Variants in FAM200A observed in about 807,000 individuals in gnomAD.
The protein encoded by FAM200A is protein FAM200A.
In FAM200A, 26 loss-of-function variants were observed where a neutral mutation model predicts 44.2. That is an observed-to-expected ratio of 0.59 (90% confidence interval 0.43 to 0.82). The LOEUF (loss-of-function observed/expected upper bound fraction) is 0.82, where lower values mean the gene tolerates loss of function less well. Ranked by LOEUF, FAM200A falls within the 40% of genes least tolerant of loss-of-function variation. FAM200A has a pLI of 0.00. For synonymous variants in FAM200A, 206 were observed against 244.4 expected (o/e 0.84, Z 1.47); for missense variants, 606 against 669.5 (o/e 0.91, Z 1.05).
chr7:99,557,504 G>A (rs1802729097), intron 1 of FAM200A, among the ~76,000 whole-genome samples: 1 of 152,210 alleles, frequency 6.6e-6, no homozygotes, highest in Non-Finnish European at 1.5e-5. Flanking sequence ...GACATCACCA[G>A]GGGTGTATTT....
chr7:99,556,357 G>A (rs890272966), upstream of FAM200A, among the ~76,000 whole-genome samples: 2 of 152,010 alleles, frequency 1.3e-5, no homozygotes, highest in African/African-American at 4.8e-5. Context: ...TTGACTCAGG[G>A]GACCTGCCGA....
At chr7:99,553,203 A>T (rs752472314), upstream of FAM200A, among the ~76,000 whole-genome samples, 9 of 148,702 alleles carry the variant, frequency 6.1e-5, no homozygotes, top group Non-Finnish European at 1.3e-4. Flanking sequence ...ATGACATCAT[A>T]GTCTCAACTT....
At position 99,547,174 on chromosome 7, in the gene FAM200A, T is replaced by C. The variant is rs1562924696; in HGVS notation, c.1234A>G (p.Asn412Asp). The change falls in exon 2 of 2, where the codon AAT becomes GAT. Residue 412 changes from asparagine (N) to aspartate (D), a missense_variant. Asn to Asp is a conservative substitution (Grantham distance 23). Coordinates refer to ENST00000449309, the MANE Select transcript of FAM200A (RefSeq NM_145111.4). The stretch of plus-strand genomic sequence containing the variant: ...TTTATTTCTTTTAAGCAGTCTTCAT[T>C]AATAATGTTCTCTTCGATGTGTTGC... ...LLQHIEENII[N>D]EDCLKEIKLE... 1 of 1,547,660 alleles carries C rather than the reference T, an allele frequency of 6.5e-7. No individual in the cohort carries two copies.
chr7:99,551,722 TG>T (rs1802536622), intron 1 of FAM200A, 131 bp downstream of exon 1: 2 of 690,418 alleles, frequency 2.9e-6, no homozygotes, highest in South Asian at 6.5e-5. Flanking sequence ...GATATCTGAC[TG>T]GGGTCATTTT....
chr7:99,546,988 C>G lies in FAM200A; in HGVS notation c.1420G>C (p.Glu474Gln). 1 of 1,550,218 alleles carries G rather than the reference C, an allele frequency of 6.5e-7. No homozygotes were observed. Among genetic ancestry groups the G allele is most frequent in the Non-Finnish European group, 8.7e-7 (1 of 1,146,774 alleles). Residue 474 changes from glutamate to glutamine, a missense_variant, in exon 2 of 2, where the codon GAG (glutamate) becomes CAG (glutamine). By Grantham distance (29) the Glu-to-Gln change is conservative. Transcript: ENST00000449309. ...IIELNLEPEEENELLQLSSSF... is the reference protein window; with the variant it reads ...IIELNLEPEEQNELLQLSSSF... Reference sequence around the variant, plus strand: ...GAACTGAGCTGCAATAATTCATTCTCTTCTTCAGGCTCCAAGTTTAACTCA... The same window carrying G: ...GAACTGAGCTGCAATAATTCATTCTGTTCTTCAGGCTCCAAGTTTAACTCA...
At chr7:99,554,829 G>A (rs1282878837), upstream of FAM200A, among the ~76,000 whole-genome samples, 4 of 152,248 alleles carry the variant, frequency 2.6e-5, no homozygotes, top group Non-Finnish European at 5.9e-5. Flanking sequence ...CCCAATCTGT[G>A]CAGAGGCCAA....
chr7:99,546,345 T>G lies in FAM200A; in HGVS notation c.*341A>C, dbSNP rs1055161563. On this transcript the variant is annotated 3_prime_UTR_variant, in exon 2 of 2. Transcript: ENST00000449309. ...TTATTAACGTTTAACTACAACATACTGCAAAATCCCTTTAAAAGTACAAAT... is the reference window on the plus strand; with the variant it reads ...TTATTAACGTTTAACTACAACATACGGCAAAATCCCTTTAAAAGTACAAAT... 1 of 196,492 alleles carries G rather than the reference T, an allele frequency of 5.1e-6. No homozygotes were observed. Among genetic ancestry groups the G allele is most frequent in the Non-Finnish European group, 1.0e-5 (1 of 98,488 alleles). The allele number at this position is 196,492 out of a possible 1,614,324, so 12.2% of individuals were successfully genotyped here. A position where few individuals can be genotyped will look rare whatever the true frequency, so the allele number is the denominator to read the frequency against.
chr7:99,547,326 A>G lies in FAM200A; in HGVS notation c.1082T>C (p.Met361Thr). ...FGILNELSLK[M>T]QGKNNDIFQY... ...AAATATATCATTGTTTTTCCCCTGC[A>G]TTTTCAGGCTTAATTCATTAAGAAT... The change falls in exon 2 of 2, where the codon ATG (methionine) becomes ACG (threonine). Residue 361 changes from methionine (M) to threonine (T), a missense_variant. By Grantham distance (81) the Met-to-Thr change is moderately conservative. Coordinates refer to ENST00000449309, the MANE Select transcript of FAM200A (RefSeq NM_145111.4). 1 of 1,550,238 alleles carries G rather than the reference A, an allele frequency of 6.5e-7. No homozygotes were observed. Among genetic ancestry groups the G allele is most frequent in the Non-Finnish European group, 8.7e-7 (1 of 1,146,504 alleles).
At position 99,547,985 on chromosome 7, in the gene FAM200A, TG is replaced by T. The variant is rs1562925172; in HGVS notation, c.422del (p.Ala141GlufsTer29). The T allele has an allele frequency of 1.9e-6, 3 of 1,551,536 alleles. No homozygotes were observed. Among genetic ancestry groups the T allele is most frequent in the East Asian group, 2.4e-5 (1 of 40,928 alleles). ...TATCAGTGCTCTCATCGAGTTGGATTGCAAAGTCTATACCGGACTGCAGCCG... is the reference window on the plus strand; with the variant it reads ...TATCAGTGCTCTCATCGAGTTGGATTCAAAGTCTATACCGGACTGCAGCCG... ...ITRLQSGIDF[A>X]IQLDESTDIA... On this transcript the variant is annotated frameshift_variant, in exon 2 of 2. Coordinates refer to ENST00000449309, the MANE Select transcript of FAM200A (RefSeq NM_145111.4). LOFTEE classifies it high-confidence loss of function.
chr7:99,547,677 T>C lies in FAM200A; in HGVS notation c.731A>G (p.His244Arg), dbSNP rs1460545514. 4.5e-6 allele frequency: 7 copies of C among 1,551,174 alleles called. No homozygotes were observed. The African/African-American group carries it at 9.6e-5, about 21-fold the overall frequency. The change falls in exon 2 of 2, where the codon CAT (histidine) becomes CGT (arginine). Residue 244 changes from histidine to arginine, a missense_variant. Coordinates refer to ENST00000449309, the MANE Select transcript of FAM200A (RefSeq NM_145111.4). ...NNAVWNHCFI[H>R]REALVSKEIS... ...TTCTTTGGATACCAAAGCTTCTCGA[T>C]GAATAAAACAGTGATTCCAAACAGC...
chr7:99,555,569 G>A (rs919400679), upstream of FAM200A, among the ~76,000 whole-genome samples: 3 of 152,180 alleles, frequency 2.0e-5, no homozygotes, highest in African/African-American at 7.2e-5. Flanking sequence ...AAGTAAGCTT[G>A]CACTGTTGCT....
upstream of FAM200A, chr7:99,552,173 T>A: frequency 1.0e-6 from 1 of 985,372 alleles, no homozygotes; most frequent in Non-Finnish European, 1.2e-6. Flanking sequence ...CGGGGTCCTC[T>A]CTAGGATCGC....
At chr7:99,548,586 A>C (rs529126022) in intron 1 of FAM200A, 80 bp from the exon 2 acceptor site, 54 of 1,184,058 alleles carry the variant, frequency 4.6e-5, no homozygotes, top group Middle Eastern at 3.0e-4. Context: ...AAAACAATTC[A>C]CTAAATCTAG....
rs1252594761 is a variant in FAM200A at position 99,548,491 on chromosome 7, A to G, written c.-84T>C. The stretch of plus-strand genomic sequence containing the variant: ...TCCTTTGTGACCTAGGTTTTATGAG[A>G]TCAGGTTTTGCTATCCTGCAGGGTA... On this transcript the variant is annotated 5_prime_UTR_variant, in exon 2 of 2. Transcript: ENST00000449309. The G allele has an allele frequency of 6.6e-7, 1 of 1,525,644 alleles. No homozygotes were observed. Among genetic ancestry groups the G allele is most frequent in the African/African-American group, 1.4e-5 (1 of 72,082 alleles). 94.5% of individuals were successfully genotyped at this position (1,525,644 alleles called of 1,614,324 possible).
At chr7:99,554,254 G>A (rs1802633227), upstream of FAM200A, among the ~76,000 whole-genome samples, 1 of 152,104 alleles carries the variant, frequency 6.6e-6, no homozygotes, top group Non-Finnish European at 1.5e-5. Flanking sequence ...GCTGAGGTGG[G>A]TGGATCACAA....
chr7:99,549,252 G>T (rs929016402), intron 1 of FAM200A, among the ~76,000 whole-genome samples: 15 of 147,750 alleles, frequency 1.0e-4, no homozygotes, highest in African/African-American at 2.8e-4. Flanking sequence ...ATAGATCCAT[G>T]AATTATTCTG....
At chr7:99,556,636 A>C (rs934013434), upstream of FAM200A, among the ~76,000 whole-genome samples, 21 of 152,334 alleles carry the variant, frequency 1.4e-4, no homozygotes, top group Admixed American at 4.6e-4. Flanking sequence ...AATCTTAAAA[A>C]AATACAAGTA....
exon 1 of FAM200A, chr7:99,558,511 G>C (rs368382585): frequency 1.3e-5 from 2 of 152,440 alleles, no homozygotes; most frequent in East Asian, 1.9e-4. Context: ...CGCGGGCCCA[G>C]CTCCTCCTCC....
rs780507742 is a variant in FAM200A at position 99,548,334 on chromosome 7, A to G, written c.74T>C (p.Val25Ala). ...GTQEMEGIVI[V>A]KVEEEDEEDH... Reference sequence around the variant, plus strand: ...TTCTTCATCTTCCTCCTCCACCTTCACTATCACGATGCCTTCCATCTCCTG... The same window carrying G: ...TTCTTCATCTTCCTCCTCCACCTTCGCTATCACGATGCCTTCCATCTCCTG... Residue 25 changes from valine (V) to alanine (A), a missense_variant, in exon 2 of 2, where the codon GTG becomes GCG. Val to Ala is a moderately conservative substitution (Grantham distance 64, BLOSUM62 0). Coordinates refer to ENST00000449309, the MANE Select transcript of FAM200A (RefSeq NM_145111.4). The G allele has an allele frequency of 1.9e-6, 3 of 1,613,964 alleles. No homozygotes were observed. Among genetic ancestry groups the G allele is most frequent in the African/African-American group, 1.3e-5 (1 of 74,942 alleles).
Sources: allele counts gnomAD v4.1 joint callset (sites outside exome capture counted in the v4.1 genomes callset), GRCh38; gene constraint gnomAD v4.1.1; transcripts MANE v1.5; gene names NCBI Gene and HGNC (gene_info 2026-07-23, HGNC 2026-07-21).